The following EXOC6B variants were observed in gnomAD, a reference collection of about 807,000 sequenced individuals.
EXOC6B encodes the protein exocyst complex component 6B.
Under a neutral mutation model 113.5 loss-of-function variants are expected in EXOC6B, and 54 were observed. The ratio of observed to expected loss-of-function variants is 0.48; its 90% CI spans 0.38 to 0.60. The LOEUF is 0.60. EXOC6B is among the 20% of genes least tolerant of loss of function. The pLI, the probability that EXOC6B is intolerant of heterozygous loss-of-function variation, is 0.00. For missense variants in EXOC6B, 797 were observed against 977.5 expected, an observed-to-expected ratio of 0.82 and a Z score of 2.46; for synonymous variants, 357 against 339.0, an observed-to-expected ratio of 1.05 and a Z score of -0.58.
chr2:72,201,567 C>G (rs1052683875), intron 20 of EXOC6B, among the ~76,000 whole-genome samples: 1 of 152,318 alleles, frequency 6.6e-6, no homozygotes, highest in East Asian at 1.9e-4. Context: ...GGAAATTCAT[C>G]TCTCCTTGGA....
chr2:72,418,250 C>T (rs1217488399), intron 18 of EXOC6B, among the ~76,000 whole-genome samples: 1 of 152,108 alleles, frequency 6.6e-6, no homozygotes, highest in Non-Finnish European at 1.5e-5. Flanking sequence ...TTCATATTCT[C>T]GTACAAACAT....
At chr2:72,631,422 GTGTGTATATATA>G (rs1161296195) in intron 6 of EXOC6B, among the ~76,000 whole-genome samples, 2 of 7,060 alleles carry the variant, frequency 2.8e-4, no homozygotes, top group African/African-American at 3.8e-4. Flanking sequence ...GTGTGTGTGT[GTGTGTATATATA>G]TATATATATA....
At chr2:72,625,485 T>C (rs557765429) in intron 6 of EXOC6B, among the ~76,000 whole-genome samples, 41 of 152,276 alleles carry the variant, frequency 2.7e-4, no homozygotes, top group Non-Finnish European at 4.1e-4. Context: ...TGGAGAGGGA[T>C]TGGCCCCCTT....
intron 9 of EXOC6B, 51 bp downstream of exon 9, chr2:72,514,992 C>T: frequency 6.8e-7 from 1 of 1,466,534 alleles, no homozygotes; most frequent in Non-Finnish European, 9.4e-7. Context: ...CATCAAAAGA[C>T]ATCAAGGAGG....
chr2:72,515,259 G>A (rs1467225832), intron 8 of EXOC6B, 133 bp from the exon 9 acceptor site: 2 of 929,880 alleles, frequency 2.2e-6, no homozygotes, highest in Non-Finnish European at 3.2e-6. Flanking sequence ...TTTTAACATT[G>A]ATGATAACAA....
intron 17 of EXOC6B, among the ~76,000 whole-genome samples, chr2:72,468,225 G>T (rs1698178964): frequency 6.6e-6 from 1 of 151,852 alleles, no homozygotes; most frequent in Non-Finnish European, 1.5e-5. Flanking sequence ...TCATTGCCCA[G>T]AACAATGTTA....
chr2:72,405,391 A>G (rs895701481), intron 18 of EXOC6B, among the ~76,000 whole-genome samples: 1 of 152,188 alleles, frequency 6.6e-6, no homozygotes, highest in Admixed American at 6.5e-5. Flanking sequence ...ACTCCAAGAC[A>G]CATAATTGTC....
intron 1 of EXOC6B, among the ~76,000 whole-genome samples, chr2:72,747,194 G>T (rs1681758991): frequency 6.6e-6 from 1 of 151,906 alleles, no homozygotes; most frequent in Non-Finnish European, 1.5e-5. Flanking sequence ...TACCACAAAG[G>T]ATAAATATTA....
At chr2:72,635,277 TG>T in intron 6 of EXOC6B, among the ~76,000 whole-genome samples, 1 of 151,898 alleles carries the variant, frequency 6.6e-6, no homozygotes, top group East Asian at 1.9e-4. Context: ...AACAAAAAGG[TG>T]GTTCTTTGAA....
intron 1 of EXOC6B, among the ~76,000 whole-genome samples, chr2:72,817,850 A>G (rs534300733): frequency 1.3e-5 from 2 of 152,222 alleles, no homozygotes; most frequent in South Asian, 4.1e-4. Context: ...CTATTACCAT[A>G]TTGCATGCCA....
rs186431280 is a variant in EXOC6B, at chr2:72,497,340, T to C, written c.1338-781A>G. 9.2e-5 allele frequency among the ~76,000 whole-genome samples: 14 copies of C among 152,202 alleles called. No homozygotes were observed. In the East Asian group the frequency reaches 2.1e-3, roughly 23 times the overall value. Reference sequence around the variant, plus strand: ...AAATTGGCAAACAGAGTAACTTCAATAATAAATTCAAACTATTTTCATTTA... The same window carrying C: ...AAATTGGCAAACAGAGTAACTTCAACAATAAATTCAAACTATTTTCATTTA... On this transcript the variant is annotated intron_variant, in intron 13 of 21. Transcript: ENST00000272427.
chr2:72,630,681 T>C (rs898855032), intron 6 of EXOC6B, among the ~76,000 whole-genome samples: 3 of 152,162 alleles, frequency 2.0e-5, no homozygotes, highest in Middle Eastern at 3.2e-3. Context: ...AAAAAAACTT[T>C]CTACATTTTT....
chr2:72,462,237 C>G (rs1264576121), intron 18 of EXOC6B: 2 of 152,012 alleles, frequency 1.3e-5, no homozygotes, highest in Non-Finnish European at 2.9e-5. Flanking sequence ...AAATAAGACA[C>G]TTTTGACACT....
chr2:72,587,654 T>C (rs908594080), intron 6 of EXOC6B, among the ~76,000 whole-genome samples: 1 of 152,186 alleles, frequency 6.6e-6, no homozygotes, highest in Non-Finnish European at 1.5e-5. Flanking sequence ...ATAATTGTGT[T>C]GGTTTTGTTG....
At chr2:72,768,218 T>A (rs1384606995) in intron 1 of EXOC6B, among the ~76,000 whole-genome samples, 1 of 149,828 alleles carries the variant, frequency 6.7e-6, no homozygotes, top group Non-Finnish European at 1.5e-5. Context: ...CATTCACCAC[T>A]GAAACAATGA....
chr2:72,246,158 A>C (rs1682644722), intron 20 of EXOC6B, among the ~76,000 whole-genome samples: 1 of 152,116 alleles, frequency 6.6e-6, no homozygotes, highest in Admixed American at 6.5e-5. Context: ...CAAAGTGTTG[A>C]GATTACAGGC....
At chr2:72,427,216 TGGGCACAGAG>T (rs1383599367) in intron 18 of EXOC6B, among the ~76,000 whole-genome samples, 1 of 152,184 alleles carries the variant, frequency 6.6e-6, no homozygotes, top group Non-Finnish European at 1.5e-5. Flanking sequence ...ACAGCATGGT[TGGGCACAGAG>T]GGGTGGACAG....
At chr2:72,419,584 G>C (rs1435753722) in intron 18 of EXOC6B, among the ~76,000 whole-genome samples, 1 of 152,052 alleles carries the variant, frequency 6.6e-6, no homozygotes, top group Non-Finnish European at 1.5e-5. Flanking sequence ...AGAATTCTTG[G>C]TTCACAGTTT....
intron 6 of EXOC6B, among the ~76,000 whole-genome samples, chr2:72,652,589 T>A (rs1178123391): frequency 6.6e-6 from 1 of 151,346 alleles, no homozygotes; most frequent in Non-Finnish European, 1.5e-5. Context: ...TGAGAGGAAA[T>A]TAGTGAGGCT....
Sources: gnomAD v4.1 joint callset for allele counts (sites outside exome capture counted in the v4.1 genomes callset) on GRCh38, gnomAD v4.1.1 for gene constraint, MANE v1.5 for transcripts, NCBI Gene and HGNC (gene_info 2026-07-23, HGNC 2026-07-21) for gene names.